The following CPA6 variants were observed in gnomAD, a reference collection of about 807,000 sequenced individuals.
The protein encoded by CPA6 is carboxypeptidase B.
CPA6 carries 58 observed loss-of-function variants against 63.3 expected under a neutral mutation model. That is an observed-to-expected ratio of 0.92 (90% CI 0.74 to 1.14). The LOEUF is 1.14. Among genes scored for constraint, CPA6 ranks in the 50% most tolerant of loss-of-function variants. The pLI is 0.00. For missense variants in CPA6, 565 were observed against 526.6 expected, an observed-to-expected ratio of 1.07 and a Z score of -0.71; for synonymous variants, 185 against 179.0, an observed-to-expected ratio of 1.03 and a Z score of -0.27.
chr8:67,531,647 T>A (rs1812480063), intron 2 of CPA6, among the ~76,000 whole-genome samples: 1 of 152,152 alleles, frequency 6.6e-6, no homozygotes, highest in South Asian at 2.1e-4. Context: ...ATAATCTGAA[T>A]GCATCCAACA....
At chr8:67,603,301 A>T (rs1433860649) in intron 2 of CPA6, among the ~76,000 whole-genome samples, 2 of 152,198 alleles carry the variant, frequency 1.3e-5, no homozygotes, top group African/African-American at 2.4e-5. Flanking sequence ...GTTTGTCCCA[A>T]ACTGTTTTAA....
chr8:67,622,525 C>G (rs1815105753), intron 2 of CPA6, among the ~76,000 whole-genome samples: 1 of 152,138 alleles, frequency 6.6e-6, no homozygotes, highest in Non-Finnish European at 1.5e-5. Flanking sequence ...TGTAATGAGA[C>G]ACCATGCTTG....
At chr8:67,631,642 G>C (rs1587652826) in intron 1 of CPA6, among the ~76,000 whole-genome samples, 1 of 152,226 alleles carries the variant, frequency 6.6e-6, no homozygotes, top group Non-Finnish European at 1.5e-5. Context: ...CTGTGAGCCA[G>C]CAGCGGCAAC....
chr8:67,434,170 C>T lies in CPA6; in HGVS notation c.909G>A (p.Val303=). Residue 303 remains valine, a synonymous_variant, in exon 9 of 11, where the codon GTG becomes GTA. Transcript: ENST00000297770. Reference sequence around the variant, plus strand: ...TTCGAAGGAAGTTAGCTACAGCCTTCACTTCCGGCTCAGATTCTGGAAAAG... The same window carrying T: ...TTCGAAGGAAGTTAGCTACAGCCTTTACTTCCGGCTCAGATTCTGGAAAAG... ...CGPFPESEPE[V]KAVANFLRKH... The T allele has an allele frequency of 6.2e-7, 1 of 1,614,164 alleles. No individual in the cohort carries two copies. Among genetic ancestry groups the T allele is most frequent in the Non-Finnish European group, 8.5e-7 (1 of 1,180,024 alleles).
chr8:67,560,515 G>T (rs1440930036), intron 2 of CPA6, among the ~76,000 whole-genome samples: 1 of 152,130 alleles, frequency 6.6e-6, no homozygotes, highest in Non-Finnish European at 1.5e-5. Context: ...TTTGTATAAT[G>T]CAATAAACTG....
chr8:67,427,961 C>T, intron 10 of CPA6, 86 bp downstream of exon 10: 1 of 864,110 alleles, frequency 1.2e-6, no homozygotes, highest in African/African-American at 1.7e-5. Flanking sequence ...AGGGAGAACA[C>T]ACTTTCTCCC....
chr8:67,597,216 T>G (rs1167597831), intron 2 of CPA6, among the ~76,000 whole-genome samples: 1 of 149,316 alleles, frequency 6.7e-6, no homozygotes, highest in Admixed American at 6.7e-5. Flanking sequence ...TTTTTTTTTT[T>G]GAGACAGAGT....
intron 2 of CPA6, among the ~76,000 whole-genome samples, chr8:67,522,144 T>G (rs1812270516): frequency 1.3e-5 from 2 of 152,032 alleles, no homozygotes; most frequent in Non-Finnish European, 2.9e-5. Context: ...CCTTGATGCC[T>G]TTTAGCTAAT....
chr8:67,704,718 T>C (rs1467154927), intron 1 of CPA6, among the ~76,000 whole-genome samples: 1 of 152,238 alleles, frequency 6.6e-6, no homozygotes, highest in Non-Finnish European at 1.5e-5. Flanking sequence ...ACGGTAAGAC[T>C]GGTTCATTCT....
At chr8:67,607,459 T>C (rs1357542081) in intron 2 of CPA6, among the ~76,000 whole-genome samples, 1 of 151,848 alleles carries the variant, frequency 6.6e-6, no homozygotes, top group African/African-American at 2.4e-5. Flanking sequence ...CTTGAAACCA[T>C]CTTTAGTCTT....
intron 8 of CPA6, among the ~76,000 whole-genome samples, chr8:67,437,518 A>G (rs1810188762): frequency 1.3e-5 from 2 of 152,378 alleles, no homozygotes; most frequent in South Asian, 4.1e-4. Context: ...ATCACAAACT[A>G]AACAACTAAT....
At chr8:67,497,108 G>T (rs181014946) in intron 6 of CPA6, among the ~76,000 whole-genome samples, 26 of 152,218 alleles carry the variant, frequency 1.7e-4, no homozygotes, top group African/African-American at 6.3e-4. Context: ...TTCTTATTGA[G>T]ATACGATTCA....
chr8:67,602,283 G>C (rs1245913119), intron 2 of CPA6, among the ~76,000 whole-genome samples: 1 of 152,102 alleles, frequency 6.6e-6, no homozygotes, highest in Non-Finnish European at 1.5e-5. Context: ...GATTTGTGTA[G>C]AATACCTCTG....
chr8:67,591,667 T>C (rs1814129005), intron 2 of CPA6, among the ~76,000 whole-genome samples: 2 of 152,230 alleles, frequency 1.3e-5, no homozygotes, highest in South Asian at 4.1e-4. Flanking sequence ...GGGAATTCAC[T>C]CATGATTTGG....
At chr8:67,454,994 G>T (rs1810638383) in intron 8 of CPA6, among the ~76,000 whole-genome samples, 1 of 152,024 alleles carries the variant, frequency 6.6e-6, no homozygotes, top group Non-Finnish European at 1.5e-5. Flanking sequence ...GGAGCCCTGG[G>T]GTAACTACAA....
intron 8 of CPA6, among the ~76,000 whole-genome samples, chr8:67,469,188 T>G (rs981828304): frequency 2.6e-5 from 4 of 152,258 alleles, no homozygotes; most frequent in African/African-American, 9.6e-5. Context: ...GGTCAAACAT[T>G]ACTCTTAATG....
At chr8:67,490,693 C>G (rs1417107816) in intron 6 of CPA6, among the ~76,000 whole-genome samples, 1 of 152,132 alleles carries the variant, frequency 6.6e-6, no homozygotes, top group Non-Finnish European at 1.5e-5. Flanking sequence ...ATTTTGGCCT[C>G]TACATACTTA....
chr8:67,523,405 T>C (rs1812299651), intron 2 of CPA6, among the ~76,000 whole-genome samples: 1 of 152,076 alleles, frequency 6.6e-6, no homozygotes, highest in Non-Finnish European at 1.5e-5. Context: ...GGTGGTCACC[T>C]GTAGTCCCAG....
chr8:67,483,085 G>C (rs1298015003), intron 8 of CPA6, among the ~76,000 whole-genome samples: 1 of 152,118 alleles, frequency 6.6e-6, no homozygotes, highest in Non-Finnish European at 1.5e-5. Flanking sequence ...CCTACAGAAA[G>C]ACTCAATACA....
Sources: gnomAD v4.1 joint callset for allele counts (sites outside exome capture counted in the v4.1 genomes callset) on GRCh38, gnomAD v4.1.1 for gene constraint, MANE v1.5 for transcripts, NCBI Gene and HGNC (gene_info 2026-07-23, HGNC 2026-07-21) for gene names.